Variants in ASIC2 observed in about 807,000 individuals in gnomAD.
ASIC2 encodes the protein acid-sensing ion channel 2.
A neutral mutation model predicts 57.3 loss-of-function variants in ASIC2; 25 were observed. That is an observed-to-expected ratio of 0.44 (90% CI 0.32 to 0.61). The LOEUF (loss-of-function observed/expected upper bound fraction) is 0.61. Among genes scored for constraint, ASIC2 ranks in the 20% least tolerant of loss-of-function variants. The pLI is 0.06. For synonymous variants in ASIC2, 319 were observed against 307.5 expected (o/e 1.04, Z -0.39); for missense variants, 641 against 738.1 (o/e 0.87, Z 1.52).
At chr17:33,720,289 C>T (rs1351475113) in intron 1 of ASIC2, among the ~76,000 whole-genome samples, 2 of 152,152 alleles carry the variant, frequency 1.3e-5, no homozygotes, top group East Asian at 1.9e-4. Flanking sequence ...ATTAAGAAGG[C>T]AGGAGGCTTT....
intron 1 of ASIC2, among the ~76,000 whole-genome samples, chr17:33,143,449 T>C (rs938454891): frequency 1.3e-5 from 2 of 152,214 alleles, no homozygotes; most frequent in Non-Finnish European, 2.9e-5. Flanking sequence ...GAGTTGCTTT[T>C]GTTTCTCATA....
At chr17:33,986,802 G>A (rs1356337416) in intron 1 of ASIC2, among the ~76,000 whole-genome samples, 1 of 152,138 alleles carries the variant, frequency 6.6e-6, no homozygotes, top group Non-Finnish European at 1.5e-5. Context: ...GGGAGATTAA[G>A]TAGCTTACAG....
At chr17:33,659,724 T>G (rs888551174) in intron 1 of ASIC2, among the ~76,000 whole-genome samples, 8 of 151,562 alleles carry the variant, frequency 5.3e-5, no homozygotes, top group African/African-American at 1.9e-4. Context: ...TACAAAAAAT[T>G]AGCCGGGCGA....
intron 1 of ASIC2, among the ~76,000 whole-genome samples, chr17:33,281,676 G>A (rs1229194064): frequency 1.3e-5 from 2 of 152,224 alleles, no homozygotes; most frequent in African/African-American, 2.4e-5. Flanking sequence ...TCTTTCTGTA[G>A]CTACATGAGG....
At chr17:33,167,410 C>T (rs980270249) in intron 1 of ASIC2, among the ~76,000 whole-genome samples, 4 of 152,146 alleles carry the variant, frequency 2.6e-5, no homozygotes, top group Non-Finnish European at 5.9e-5. Context: ...GTACTGCCAC[C>T]GTCACACTAG....
intron 1 of ASIC2, among the ~76,000 whole-genome samples, chr17:33,919,295 A>C (rs1915656926): frequency 6.6e-6 from 1 of 151,928 alleles, no homozygotes; most frequent in Non-Finnish European, 1.5e-5. Context: ...GAGCCCAAAA[A>C]CCCTATTGCT....
At chr17:33,701,995 C>T (rs1432312543) in intron 1 of ASIC2, among the ~76,000 whole-genome samples, 1 of 152,182 alleles carries the variant, frequency 6.6e-6, no homozygotes, top group Non-Finnish European at 1.5e-5. Context: ...TTGAGCTCGG[C>T]TGTGCCAGCT....
chr17:33,742,802 C>G (rs1001093144), intron 1 of ASIC2, among the ~76,000 whole-genome samples: 3 of 152,136 alleles, frequency 2.0e-5, no homozygotes, highest in Admixed American at 1.3e-4. Flanking sequence ...CCCTGTCTAC[C>G]ACTGCCTCAC....
At chr17:33,597,925 C>T (rs967216543) in intron 1 of ASIC2, among the ~76,000 whole-genome samples, 7 of 152,218 alleles carry the variant, frequency 4.6e-5, no homozygotes, top group South Asian at 2.1e-4. Context: ...AAATTCAATA[C>T]GTGCAGAATG....
intron 1 of ASIC2, among the ~76,000 whole-genome samples, chr17:33,113,529 C>T (rs1338248915): frequency 1.3e-5 from 2 of 152,182 alleles, no homozygotes; most frequent in Admixed American, 6.5e-5. Flanking sequence ...TGCACTGTCC[C>T]ATCCTACAGC....
At chr17:33,148,606 C>T (rs1229190681) in intron 1 of ASIC2, among the ~76,000 whole-genome samples, 1 of 152,130 alleles carries the variant, frequency 6.6e-6, no homozygotes, top group East Asian at 1.9e-4. Context: ...AGTTTTCTTA[C>T]CTGTAAAATG....
chr17:33,611,239 G>C (rs536736281), intron 1 of ASIC2, among the ~76,000 whole-genome samples: 7 of 152,236 alleles, frequency 4.6e-5, no homozygotes, highest in Non-Finnish European at 1.0e-4. Flanking sequence ...GTCCTGGTCT[G>C]TGCTGGATGG....
rs548340028 is a variant in ASIC2, at chr17:33,445,226, G to A, written c.556-333159C>T. On this transcript the variant is annotated intron_variant, in intron 1 of 9. Transcript: ENST00000359872. ...TCTGATCATTTGAGGTCAGGAGTTC[G>A]AGACCAGCCTGGCCAACATGGCAAA... Among the ~76,000 whole-genome samples, 5 of 152,226 alleles carry A rather than the reference G, an allele frequency of 3.3e-5. No homozygotes were observed. In the South Asian group the frequency reaches 1.0e-3, roughly 32 times the overall value.
chr17:34,119,856 G>A (rs1911549837), intron 1 of ASIC2, among the ~76,000 whole-genome samples: 1 of 152,190 alleles, frequency 6.6e-6, no homozygotes, highest in South Asian at 2.1e-4. Context: ...CCCCCATGGT[G>A]CCTGACATAG....
intron 1 of ASIC2, chr17:33,936,149 A>G (rs1383063509): frequency 6.6e-6 from 1 of 152,336 alleles, no homozygotes. Flanking sequence ...TAGGACAGTC[A>G]GTGGTTTACC....
intron 1 of ASIC2, among the ~76,000 whole-genome samples, chr17:33,365,837 C>A (rs1597700972): frequency 6.6e-6 from 1 of 152,108 alleles, no homozygotes; most frequent in African/African-American, 2.4e-5. Flanking sequence ...AGAAAAAAGT[C>A]TATTTATTTA....
intron 1 of ASIC2, among the ~76,000 whole-genome samples, chr17:33,279,841 C>T (rs1159463948): frequency 1.3e-5 from 2 of 152,108 alleles, no homozygotes; most frequent in South Asian, 2.1e-4. Flanking sequence ...TTCTGAGCTT[C>T]GGTTTCCTCA....
intron 1 of ASIC2, among the ~76,000 whole-genome samples, chr17:33,909,346 T>G (rs1266468133): frequency 1.3e-5 from 2 of 152,234 alleles, no homozygotes; most frequent in Non-Finnish European, 2.9e-5. Flanking sequence ...AAACAACATA[T>G]ACTTTTTTGA....
At chr17:33,272,650 C>G (rs1316832352) in intron 1 of ASIC2, among the ~76,000 whole-genome samples, 1 of 152,178 alleles carries the variant, frequency 6.6e-6, no homozygotes, top group South Asian at 2.1e-4. Flanking sequence ...CCATCACCAA[C>G]ATTGTCATCA....
Sources: gnomAD v4.1 joint callset for allele counts (sites outside exome capture counted in the v4.1 genomes callset) on GRCh38, gnomAD v4.1.1 for gene constraint, MANE v1.5 for transcripts, NCBI Gene and HGNC (gene_info 2026-07-23, HGNC 2026-07-21) for gene names.